The following KANK1 variants were observed in gnomAD, a reference collection of about 807,000 sequenced individuals.
The protein encoded by KANK1 is KN motif and ankyrin repeat domain-containing protein 1.
Under a neutral mutation model 106.2 loss-of-function variants are expected in KANK1, and 109 were observed. That is an observed-to-expected ratio of 1.03 (90% CI 0.88 to 1.20). The LOEUF (loss-of-function observed/expected upper bound fraction) is 1.20, where lower values mean the gene tolerates loss of function less well. KANK1 is among the 50% of genes most tolerant of loss of function. The pLI is 0.00. For missense variants in KANK1, 2,399 were observed against 1,710.7 expected, an observed-to-expected ratio of 1.40 and a Z score of -7.10; for synonymous variants, 873 against 652.2, an observed-to-expected ratio of 1.34 and a Z score of -5.16.
intron 3 of KANK1, among the ~76,000 whole-genome samples, chr9:479,872 G>T (rs982224953): frequency 6.6e-6 from 1 of 151,374 alleles, no homozygotes; most frequent in South Asian, 2.1e-4. Context: ...GAAAATAACT[G>T]AGCCCCCCCA....
chr9:485,472 G>C (rs1277528777), intron 3 of KANK1, among the ~76,000 whole-genome samples: 1 of 152,152 alleles, frequency 6.6e-6, no homozygotes, highest in East Asian at 1.9e-4. Context: ...AACTTTAGCA[G>C]AGTTATTGAG....
intron 1 of KANK1, among the ~76,000 whole-genome samples, chr9:518,868 G>A (rs2133142517): frequency 6.7e-6 from 1 of 149,874 alleles, no homozygotes; most frequent in South Asian, 2.1e-4. Context: ...CCTATATGGA[G>A]TTTCTTAGCA....
chr9:619,447 TG>T (rs1221916322), intron 1 of KANK1, among the ~76,000 whole-genome samples: 1 of 152,186 alleles, frequency 6.6e-6, no homozygotes, highest in Non-Finnish European at 1.5e-5. Context: ...TCGTCAGATT[TG>T]GGTGGCCCAG....
At chr9:553,183 T>TA (rs1336479155) in intron 1 of KANK1, among the ~76,000 whole-genome samples, 2 of 152,118 alleles carry the variant, frequency 1.3e-5, no homozygotes, top group Admixed American at 1.3e-4. Flanking sequence ...CACCTTTATT[T>TA]AAAAAAATCA....
intron 1 of KANK1, among the ~76,000 whole-genome samples, chr9:602,936 G>C (rs763063577): frequency 6.6e-6 from 1 of 151,804 alleles, no homozygotes; most frequent in Non-Finnish European, 1.5e-5. Context: ...TGCAGTCAAG[G>C]CACATTCCAC....
At chr9:550,419 G>C (rs1459639547) in intron 1 of KANK1, among the ~76,000 whole-genome samples, 1 of 152,014 alleles carries the variant, frequency 6.6e-6, no homozygotes, top group African/African-American at 2.4e-5. Context: ...ATATTTCTTT[G>C]AGCTAAACAG....
intron 2 of KANK1, among the ~76,000 whole-genome samples, chr9:696,852 G>T (rs73373001): frequency 0.018 from 2,797 of 152,246 alleles, 89 homozygotes; most frequent in African/African-American, 0.064. Flanking sequence ...AAAACAGGCT[G>T]CATATTTGCA....
At chr9:619,782 A>G (rs1346101869) in intron 1 of KANK1, among the ~76,000 whole-genome samples, 1 of 152,166 alleles carries the variant, frequency 6.6e-6, no homozygotes, top group Non-Finnish European at 1.5e-5. Flanking sequence ...ATTTTTAAAT[A>G]CTTTAAACAG....
chr9:471,064 A>T (rs1415244901), intron 2 of KANK1: 2 of 152,222 alleles, frequency 1.3e-5, no homozygotes, highest in Non-Finnish European at 2.9e-5. Flanking sequence ...GTCACTGGGA[A>T]ATAAGCTCAT....
intron 1 of KANK1, among the ~76,000 whole-genome samples, chr9:505,319 G>C (rs1038287116): frequency 7.2e-5 from 11 of 152,188 alleles, no homozygotes; most frequent in African/African-American, 2.7e-4. Context: ...CCAACTCCGA[G>C]GTGGCTTCGG....
chr9:586,383 A>T (rs1393530478), intron 1 of KANK1, among the ~76,000 whole-genome samples: 1 of 152,184 alleles, frequency 6.6e-6, no homozygotes, highest in African/African-American at 2.4e-5. Context: ...AGAGGGTCCA[A>T]GTTAGAGGCT....
chr9:640,918 G>C (rs899752760), intron 1 of KANK1, among the ~76,000 whole-genome samples: 1 of 151,266 alleles, frequency 6.6e-6, no homozygotes, highest in Non-Finnish European at 1.5e-5. Flanking sequence ...GGATGGTCTC[G>C]ATCTCCTGAC....
chr9:675,089 C>T (rs1178664475), intron 1 of KANK1, among the ~76,000 whole-genome samples: 1 of 152,122 alleles, frequency 6.6e-6, no homozygotes, highest in East Asian at 1.9e-4. Flanking sequence ...GAGGCAACCA[C>T]CACAGTGAAC....
chr9:744,034 C>G (rs190948379), intron 10 of KANK1, among the ~76,000 whole-genome samples: 1 of 152,162 alleles, frequency 6.6e-6, no homozygotes, highest in Non-Finnish European at 1.5e-5. Context: ...ACTGGGATTG[C>G]GTGCTTACAC....
chr9:528,916 C>T (rs1033564539), intron 1 of KANK1, among the ~76,000 whole-genome samples: 4 of 152,108 alleles, frequency 2.6e-5, no homozygotes, highest in African/African-American at 9.7e-5. Flanking sequence ...CATCCCACCT[C>T]AGCCTCCCGA....
At chr9:702,016 G>T (rs1010727486) in intron 2 of KANK1, among the ~76,000 whole-genome samples, 13 of 152,184 alleles carry the variant, frequency 8.5e-5, no homozygotes, top group African/African-American at 2.9e-4. Context: ...TATAGGAGAT[G>T]AATATATAAA....
At chr9:686,737 C>T (rs1818674618) in intron 2 of KANK1, 6 of 984,676 alleles carry the variant, frequency 6.1e-6, no homozygotes, top group Non-Finnish European at 4.8e-6. Flanking sequence ...ATGATTGTTA[C>T]CTATGAGCCT....
intron 1 of KANK1, among the ~76,000 whole-genome samples, chr9:563,190 CTTTTT>C (rs35709800): frequency 6.7e-6 from 1 of 149,336 alleles, no homozygotes. Context: ...TTTTGTCAGA[CTTTTT>C]TTTTTTTTTT....
At chr9:554,421 T>G (rs7860794) in intron 1 of KANK1, among the ~76,000 whole-genome samples, 10,181 of 152,282 alleles carry the variant, frequency 0.067, 914 homozygotes, top group East Asian at 0.23. Flanking sequence ...CCATCCACAC[T>G]GATGAGCATC....
Sources: allele counts gnomAD v4.1 joint callset (sites outside exome capture counted in the v4.1 genomes callset), GRCh38; gene constraint gnomAD v4.1.1; transcripts MANE v1.5; gene names NCBI Gene and HGNC (gene_info 2026-07-23, HGNC 2026-07-21).